Variants in ZDHHC20 observed in about 807,000 individuals in gnomAD.
ZDHHC20 encodes the protein palmitoyltransferase ZDHHC20.
ZDHHC20 carries 43 observed loss-of-function variants against 57.8 expected under a neutral mutation model. The ratio of observed to expected loss-of-function variants is 0.74; its 90% CI spans 0.58 to 0.96. ZDHHC20 has a LOEUF of 0.96. Ranked by LOEUF, ZDHHC20 falls within the 40% of genes least tolerant of loss-of-function variation. ZDHHC20 has a pLI of 0.00. For missense variants in ZDHHC20, 391 were observed against 441.1 expected (o/e 0.89, Z 1.02); for synonymous variants, 157 against 153.0 (o/e 1.03, Z -0.19).
intron 8 of ZDHHC20, among the ~76,000 whole-genome samples, chr13:21,391,020 A>G (rs931091545): frequency 1.3e-5 from 2 of 152,144 alleles, no homozygotes; most frequent in East Asian, 1.9e-4. Flanking sequence ...TAAAGCATGT[A>G]AATCTACTGT....
At position 21,412,794 on chromosome 13, in the gene ZDHHC20, C is replaced by T. The variant is rs561681328; in HGVS notation, c.370+858G>A. Among the ~76,000 whole-genome samples, 135 of 151,912 alleles carry T rather than the reference C, an allele frequency of 8.9e-4. 1 individual carries two copies. The highest frequency in any genetic ancestry group is 3.1e-3 in the African/African-American group (129 of 41,438). ...GACCAGCCTGGCCAACATAGTGAAA[C>T]CCCATCTCTACTAAAAATACAAAAA... On this transcript the variant is annotated intron_variant, in intron 4 of 12. Coordinates refer to ENST00000400590, the MANE Select transcript of ZDHHC20 (RefSeq NM_001330059.2).
At chr13:21,420,297 A>G (rs568133564) in intron 3 of ZDHHC20, among the ~76,000 whole-genome samples, 12 of 152,324 alleles carry the variant, frequency 7.9e-5, no homozygotes, top group Admixed American at 6.5e-4. Flanking sequence ...CAATAAATAA[A>G]TAAATATATA....
At chr13:21,418,001 T>C (rs1880211968) in intron 3 of ZDHHC20, among the ~76,000 whole-genome samples, 2 of 152,206 alleles carry the variant, frequency 1.3e-5, no homozygotes, top group African/African-American at 4.8e-5. Flanking sequence ...GAATCTTAAA[T>C]TCCTGTTCTT....
chr13:21,390,499 C>G (rs1431124476), intron 8 of ZDHHC20, among the ~76,000 whole-genome samples: 2 of 152,164 alleles, frequency 1.3e-5, no homozygotes, highest in Non-Finnish European at 2.9e-5. Flanking sequence ...TCACTGACAA[C>G]TGACACAAAT....
At chr13:21,419,437 C>G (rs1880394269) in intron 3 of ZDHHC20, among the ~76,000 whole-genome samples, 1 of 152,198 alleles carries the variant, frequency 6.6e-6, no homozygotes, top group African/African-American at 2.4e-5. Context: ...TTTGTAACAG[C>G]TCTAAGCTGG....
intron 1 of ZDHHC20, among the ~76,000 whole-genome samples, chr13:21,456,009 A>G (rs1884895613): frequency 6.6e-6 from 1 of 152,126 alleles, no homozygotes; most frequent in South Asian, 2.1e-4. Flanking sequence ...AAATTACTTA[A>G]CCTTATGGGG....
intron 1 of ZDHHC20, among the ~76,000 whole-genome samples, chr13:21,430,794 C>A (rs535986115): frequency 3.9e-5 from 6 of 152,142 alleles, no homozygotes. Flanking sequence ...AGGGAACACA[C>A]CACCATGTTA....
At position 21,374,986 on chromosome 13, in the gene ZDHHC20, T is replaced by C. The variant is rs1871824814; in HGVS notation, c.*1710A>G. ...TCGTCTCTTCTAAAAATGTGAAAAT[T>C]AGCCGGGCATGGTGGCATGAGCCTG... On this transcript the variant is annotated 3_prime_UTR_variant, in exon 13 of 13. Transcript: ENST00000400590. 1 of 369,952 alleles carries C rather than the reference T, an allele frequency of 2.7e-6. No individual in the cohort carries two copies. The highest frequency in any genetic ancestry group is 3.6e-5 in the Admixed American group (1 of 27,656). The allele number at this position is 369,952 out of a possible 1,614,324, so 22.9% of individuals were successfully genotyped here.
At chr13:21,397,060 TG>T (rs1876905449) in intron 7 of ZDHHC20, among the ~76,000 whole-genome samples, 1 of 152,224 alleles carries the variant, frequency 6.6e-6, no homozygotes, top group Admixed American at 6.5e-5. Context: ...TCCAATTTAT[TG>T]ATCTTTTCTT....
Position 21,379,907 on chromosome 13 carries a change from C to T in ZDHHC20, c.1061-1169G>A, listed in dbSNP as rs566646280. On this transcript the variant is annotated intron_variant, in intron 11 of 12. Transcript: ENST00000400590. ...TTGGCTCACTGCGGGCTCCAACCCCCGGGGTTCACGCCATTCCCCTGCCTC... is the reference window on the plus strand; with the variant it reads ...TTGGCTCACTGCGGGCTCCAACCCCTGGGGTTCACGCCATTCCCCTGCCTC... Among the ~76,000 whole-genome samples, 6 of 151,374 alleles carry T rather than the reference C, an allele frequency of 4.0e-5. No homozygotes were observed. The East Asian group carries it at 7.8e-4, about 20-fold the overall frequency.
chr13:21,416,684 T>C (rs944652732), intron 3 of ZDHHC20, among the ~76,000 whole-genome samples: 14 of 152,176 alleles, frequency 9.2e-5, no homozygotes, highest in Non-Finnish European at 1.8e-4. Context: ...TTGAAGGCAG[T>C]GTACCTAAGT....
At chr13:21,427,148 T>C (rs546497992) in intron 1 of ZDHHC20, among the ~76,000 whole-genome samples, 115 of 152,246 alleles carry the variant, frequency 7.6e-4, no homozygotes, top group African/African-American at 2.6e-3. Flanking sequence ...CTCATTTTTC[T>C]TTTTTTCTTT....
intron 1 of ZDHHC20, among the ~76,000 whole-genome samples, chr13:21,445,515 A>G (rs61950015): frequency 0.023 from 3,541 of 152,328 alleles, 65 homozygotes; most frequent in Middle Eastern, 0.037. Flanking sequence ...TCCTCCTGAC[A>G]ATTCAAGACA....
intron 9 of ZDHHC20, among the ~76,000 whole-genome samples, chr13:21,385,684 G>A (rs1874339379): frequency 6.6e-6 from 1 of 152,008 alleles, no homozygotes; most frequent in South Asian, 2.1e-4. Context: ...GGAAAGAGGG[G>A]AATAGGCAGA....
intron 4 of ZDHHC20, 57 bp from the exon 5 acceptor site, chr13:21,402,923 A>G (rs913676827): frequency 4.2e-5 from 56 of 1,343,350 alleles, no homozygotes; most frequent in Non-Finnish European, 2.6e-5. Flanking sequence ...AACTAATTTG[A>G]CATTAAAACT....
chr13:21,455,633 GGT>G (rs3070118), intron 1 of ZDHHC20, among the ~76,000 whole-genome samples: 16,345 of 147,920 alleles, frequency 0.11, 911 homozygotes, highest in Admixed American at 0.17. Context: ...CCAGTGAAGT[GGT>G]GTGTGTGTGT....
chr13:21,392,295 A>C (rs535668298), intron 7 of ZDHHC20, among the ~76,000 whole-genome samples: 1 of 152,168 alleles, frequency 6.6e-6, no homozygotes. Context: ...TTTCTTTTGT[A>C]CTTTATGTAT....
chr13:21,433,757 T>C (rs1310823630), intron 1 of ZDHHC20, among the ~76,000 whole-genome samples: 1 of 152,234 alleles, frequency 6.6e-6, no homozygotes, highest in Non-Finnish European at 1.5e-5. Flanking sequence ...AGAAGTAATG[T>C]CTTTGAAATA....
chr13:21,418,941 G>C (rs564063129), intron 3 of ZDHHC20, among the ~76,000 whole-genome samples: 1 of 152,288 alleles, frequency 6.6e-6, no homozygotes, highest in East Asian at 1.9e-4. Context: ...GCCTTCCGAA[G>C]TGCTGGATTA....
Sources: gnomAD v4.1 joint callset for allele counts (sites outside exome capture counted in the v4.1 genomes callset) on GRCh38, gnomAD v4.1.1 for gene constraint, MANE v1.5 for transcripts, NCBI Gene and HGNC (gene_info 2026-07-23, HGNC 2026-07-21) for gene names.